SYT1: variants seen among roughly 807,000 people sequenced by gnomAD.
SYT1 encodes the protein synaptotagmin-1.
A neutral mutation model predicts 44.8 loss-of-function variants in SYT1; 8 were observed. The observed-to-expected ratio is 0.18, with a 90% CI of 0.10 to 0.32. The LOEUF is 0.32. SYT1 is among the 10% of genes least tolerant of loss of function. The probability of loss-of-function intolerance (pLI) is 1.00; values close to 1 mark genes in which losing one functional copy is unlikely to be tolerated. For synonymous variants in SYT1, 154 were observed against 188.8 expected (o/e 0.82, Z 1.51); for missense variants, 286 against 509.3 (o/e 0.56, Z 4.22).
intron 1 of SYT1, among the ~76,000 whole-genome samples, chr12:78,970,322 T>G (rs17046158): frequency 0.084 from 12,768 of 152,208 alleles, 662 homozygotes; most frequent in African/African-American, 0.14. Context: ...AAGTGAGAAA[T>G]AAAGAAAGCA....
rs781387961 is a variant in SYT1 at position 79,317,930 on chromosome 12, G to C, written c.810+18379G>C. ...ATCAAGTTTGTAGACATTTTGGTGT[G>C]TTAATGTCAGCAAGGGTTGTAAAAT... is the stretch of plus-strand genomic sequence containing the variant. On this transcript the variant is annotated intron_variant, in intron 8 of 10. Transcript: ENST00000261205. Among the ~76,000 whole-genome samples the C allele has an allele frequency of 1.8e-4, 27 of 152,200 alleles. No homozygotes were observed. The South Asian group carries it at 4.6e-3, about 26-fold the overall frequency.
At chr12:79,193,373 C>A (rs984943314) in intron 3 of SYT1, among the ~76,000 whole-genome samples, 13 of 152,080 alleles carry the variant, frequency 8.5e-5, no homozygotes, top group African/African-American at 2.9e-4. Context: ...TAAACCATTA[C>A]AAGGATTAGG....
intron 3 of SYT1, among the ~76,000 whole-genome samples, chr12:79,055,023 G>A (rs566408122): frequency 2.6e-4 from 40 of 151,926 alleles, no homozygotes; most frequent in Non-Finnish European, 4.9e-4. Context: ...CATAGTACTG[G>A]CTTTGAAAAT....
At chr12:78,940,454 A>T (rs1170321593) in intron 1 of SYT1, among the ~76,000 whole-genome samples, 1 of 152,142 alleles carries the variant, frequency 6.6e-6, no homozygotes, top group Non-Finnish European at 1.5e-5. Context: ...CAGTGGCCCA[A>T]TCATGGCTTG....
intron 1 of SYT1, among the ~76,000 whole-genome samples, chr12:78,961,969 A>T (rs1879528201): frequency 1.3e-5 from 2 of 152,190 alleles, no homozygotes; most frequent in South Asian, 4.1e-4. Flanking sequence ...TTTTAATGTC[A>T]CATAATTCTA....
intron 2 of SYT1, among the ~76,000 whole-genome samples, chr12:78,994,486 CTTT>C (rs376614789): frequency 0.036 from 4,682 of 130,672 alleles, 285 homozygotes; most frequent in African/African-American, 0.12. Flanking sequence ...TTTTCTTCTC[CTTT>C]TTTTTTTTTT....
chr12:78,994,831 G>A (rs61928969), intron 2 of SYT1, among the ~76,000 whole-genome samples: 7,902 of 152,136 alleles, frequency 0.052, 233 homozygotes, highest in Admixed American at 0.088. Flanking sequence ...CACTGTGCCC[G>A]GCCAATATTT....
chr12:78,997,002 G>C (rs1455910307), intron 2 of SYT1, among the ~76,000 whole-genome samples: 1 of 152,190 alleles, frequency 6.6e-6, no homozygotes, highest in Middle Eastern at 3.2e-3. Context: ...TTAGGCTTTA[G>C]CATCTCAAAG....
chr12:79,299,003 A>G (rs1268275568), intron 7 of SYT1, among the ~76,000 whole-genome samples: 1 of 152,176 alleles, frequency 6.6e-6, no homozygotes, highest in Non-Finnish European at 1.5e-5. Flanking sequence ...TTACACCCTG[A>G]CAATACAACT....
intron 8 of SYT1, among the ~76,000 whole-genome samples, chr12:79,310,302 G>A (rs1486082212): frequency 6.6e-6 from 1 of 152,026 alleles, no homozygotes; most frequent in African/African-American, 2.4e-5. Context: ...CTTTTTCTGA[G>A]GTTTGTCAAA....
intron 4 of SYT1, among the ~76,000 whole-genome samples, chr12:79,280,753 A>G (rs536729638): frequency 4.9e-4 from 74 of 152,190 alleles, no homozygotes; most frequent in African/African-American, 1.8e-3. Flanking sequence ...CAAACTATAC[A>G]TCCAACAAAC....
At chr12:78,950,691 G>C (rs1346427870) in intron 1 of SYT1, among the ~76,000 whole-genome samples, 1 of 152,064 alleles carries the variant, frequency 6.6e-6, no homozygotes, top group African/African-American at 2.4e-5. Flanking sequence ...CTGCAGGAAA[G>C]GCACTTTAAA....
intron 3 of SYT1, among the ~76,000 whole-genome samples, chr12:79,148,844 G>A (rs982714733): frequency 1.3e-5 from 2 of 152,112 alleles, no homozygotes; most frequent in South Asian, 2.1e-4. Flanking sequence ...CGAGATTACC[G>A]ATTGGCTTTC....
intron 1 of SYT1, among the ~76,000 whole-genome samples, chr12:78,895,402 A>T (rs17045880): frequency 0.082 from 12,496 of 151,766 alleles, 608 homozygotes; most frequent in African/African-American, 0.13. Flanking sequence ...ACTGAAGACT[A>T]AGCATTTGTT....
intron 2 of SYT1, among the ~76,000 whole-genome samples, chr12:79,044,185 T>C (rs1436767121): frequency 6.6e-6 from 1 of 152,130 alleles, no homozygotes; most frequent in Admixed American, 6.5e-5. Flanking sequence ...CCTTGCTAGA[T>C]TGGGGAAGTT....
chr12:79,110,474 C>T (rs1878953128), intron 3 of SYT1, among the ~76,000 whole-genome samples: 2 of 152,006 alleles, frequency 1.3e-5, no homozygotes, highest in Admixed American at 1.3e-4. Context: ...TGATCATTTA[C>T]ATTATAAGAA....
intron 4 of SYT1, among the ~76,000 whole-genome samples, chr12:79,269,961 A>G (rs757708849): frequency 3.7e-4 from 56 of 152,280 alleles, no homozygotes; most frequent in Admixed American, 9.8e-4. Context: ...TACTTTTTCA[A>G]ATATGCATTT....
chr12:79,014,630 C>T (rs1049091607), intron 2 of SYT1, among the ~76,000 whole-genome samples: 1 of 152,126 alleles, frequency 6.6e-6, no homozygotes, highest in Non-Finnish European at 1.5e-5. Flanking sequence ...TATACTAGTT[C>T]AACCATGTGG....
chr12:79,250,748 T>G (rs538596424), intron 4 of SYT1, among the ~76,000 whole-genome samples: 28 of 152,180 alleles, frequency 1.8e-4, no homozygotes, highest in Non-Finnish European at 3.1e-4. Context: ...ATTTTTTGTT[T>G]GTTGGTTTGT....
Sources: gnomAD v4.1 joint callset for allele counts (sites outside exome capture counted in the v4.1 genomes callset) on GRCh38, gnomAD v4.1.1 for gene constraint, MANE v1.5 for transcripts, NCBI Gene and HGNC (gene_info 2026-07-23, HGNC 2026-07-21) for gene names.